MVB12A: variants seen among roughly 807,000 people sequenced by gnomAD.
The protein encoded by MVB12A is CIN85/CD2AP family binding protein.
In MVB12A, 30 loss-of-function variants were observed where a neutral mutation model predicts 34.3. The ratio of observed to expected loss-of-function variants is 0.88; its 90% confidence interval spans 0.65 to 1.19. MVB12A has a LOEUF of 1.19. Among genes scored for constraint, MVB12A ranks in the 50% most tolerant of loss-of-function variants. The pLI, the probability that MVB12A is intolerant of heterozygous loss-of-function variation, is 0.00. For synonymous variants in MVB12A, 158 were observed against 158.9 expected, an observed-to-expected ratio of 0.99 and a Z score of 0.04; for missense variants, 355 against 369.2, an observed-to-expected ratio of 0.96 and a Z score of 0.31.
chr19:17,410,506 A>ATG (rs1568387337), intron 2 of MVB12A, among the ~76,000 whole-genome samples: 27 of 42,070 alleles, frequency 6.4e-4, no homozygotes, highest in African/African-American at 1.8e-3. Flanking sequence ...TCATATATAT[A>ATG]TATATATATA....
At chr19:17,411,768 T>C (rs1463252875) in intron 2 of MVB12A, among the ~76,000 whole-genome samples, 1 of 151,770 alleles carries the variant, frequency 6.6e-6, no homozygotes, top group Non-Finnish European at 1.5e-5. Context: ...GGTGCTGGGA[T>C]TATAGGTGTG....
rs1054717870 is a variant in MVB12A, at chr19:17,409,346, G to A, written c.-5+3050G>A. On this transcript the variant is annotated intron_variant, in intron 2 of 6. Coordinates refer to the MVB12A transcript ENST00000528604. ...GGGTTTCGACATGTTGGCCAGGCTG[G>A]TCTCGAACTCCCGACCTCAAGGGAT... 3.3e-5 allele frequency among the ~76,000 whole-genome samples: 5 copies of A among 151,414 alleles called. No individual in the cohort carries two copies. The South Asian group carries it at 8.3e-4, about 25-fold the overall frequency.
chr19:17,407,398 G>A (rs768590950), intron 2 of MVB12A, among the ~76,000 whole-genome samples: 2 of 152,140 alleles, frequency 1.3e-5, no homozygotes, highest in African/African-American at 2.4e-5. Flanking sequence ...GGCCCCGAAT[G>A]TCTGGCTGTG....
intron 2 of MVB12A, chr19:17,414,250 C>G (rs2074785837): frequency 6.6e-6 from 1 of 151,298 alleles, no homozygotes; most frequent in Non-Finnish European, 1.5e-5. Flanking sequence ...CATTGCACTC[C>G]AGCGTGGGCT....
rs2074858822 is a variant in MVB12A at position 17,424,645 on chromosome 19, A to C, written c.727A>C (p.Thr243Pro). The C allele has an allele frequency of 6.2e-7, 1 of 1,612,780 alleles. No homozygotes were observed. Among genetic ancestry groups the C allele is most frequent in the Non-Finnish European group, 8.5e-7 (1 of 1,179,524 alleles). The change falls in exon 8 of 9, where the codon ACC (threonine) becomes CCC (proline). Residue 243 changes from threonine to proline, a missense_variant. Physicochemically the swap from Thr to Pro is conservative, Grantham distance 38. Coordinates refer to ENST00000317040, the MANE Select transcript of MVB12A (RefSeq NM_138401.4). Reference protein sequence around the residue: ...PLAFSAFGDLTIKSLADIEEE... With the variant: ...PLAFSAFGDLPIKSLADIEEE... ...GGCCTTCTCTGCTTTTGGGGACCTG[A>C]CCATCAAGTCTCTGGCGGACATTGA...
At chr19:17,411,761 G>T (rs2074770701) in intron 2 of MVB12A, among the ~76,000 whole-genome samples, 1 of 151,876 alleles carries the variant, frequency 6.6e-6, no homozygotes, top group Non-Finnish European at 1.5e-5. Context: ...CTCCCAAGGT[G>T]CTGGGATTAT....
At chr19:17,410,551 C>T (rs11668297) in intron 2 of MVB12A, among the ~76,000 whole-genome samples, 6 of 120,756 alleles carry the variant, frequency 5.0e-5, no homozygotes, top group African/African-American at 1.5e-4. Flanking sequence ...TATATATATA[C>T]ACACACATAT....
At chr19:17,411,912 A>G (rs1462706063) in intron 2 of MVB12A, among the ~76,000 whole-genome samples, 5 of 152,220 alleles carry the variant, frequency 3.3e-5, no homozygotes, top group South Asian at 4.1e-4. Flanking sequence ...GTGGCCCCGG[A>G]TGGGCTTCTG....
At chr19:17,409,970 GCTGGTCTCGAACTC>G (rs777502716) in intron 2 of MVB12A, among the ~76,000 whole-genome samples, 23 of 151,306 alleles carry the variant, frequency 1.5e-4, no homozygotes, top group Non-Finnish European at 3.2e-4. Context: ...TGTTACCCAG[GCTGGTCTCGAACTC>G]CTGACCTCAT....
rs533411306 is a variant in MVB12A, at chr19:17,411,827, G to A, written c.-5+5531G>A. 1.4e-4 allele frequency among the ~76,000 whole-genome samples: 21 copies of A among 152,168 alleles called. No individual in the cohort carries two copies. The South Asian group carries it at 4.1e-3, about 30-fold the overall frequency. ...AAAAAAATAGGAGCAAAGATCATCC[G>A]CAACCATCCCTCAGCTGTTTCATTT... On this transcript the variant is annotated intron_variant, in intron 2 of 6. Transcript: ENST00000528604.
chr19:17,408,387 AAT>A (rs958111214), intron 2 of MVB12A, among the ~76,000 whole-genome samples: 9 of 149,284 alleles, frequency 6.0e-5, no homozygotes, highest in East Asian at 1.9e-4. Context: ...TTTAAAAATA[AAT>A]ATATATATAT....
intron 8 of MVB12A, 54 bp downstream of exon 8, chr19:17,424,731 A>C: frequency 1.9e-6 from 3 of 1,549,732 alleles, no homozygotes; most frequent in Non-Finnish European, 2.6e-6. Flanking sequence ...GAGGTGCCTG[A>C]GGGGCCGGCA....
chr19:17,425,063 CTG>C lies in MVB12A; in HGVS notation c.*71_*72del, dbSNP rs2074863205. The C allele has an allele frequency of 7.2e-6, 4 of 553,084 alleles. No homozygotes were observed. The highest frequency in any genetic ancestry group is 7.4e-5 in the Admixed American group (2 of 26,862). The allele number at this position is 553,084 out of a possible 1,614,324, so 34.3% of individuals were successfully genotyped here. On this transcript the variant is annotated 3_prime_UTR_variant, in exon 9 of 9. Coordinates refer to ENST00000317040, the MANE Select transcript of MVB12A (RefSeq NM_138401.4). ...GCCAGCCTGGGGCCACCCCCCCTCA[CTG>C]CATCCTGGGGCCACCCCCACTCACT... is the stretch of plus-strand genomic sequence containing the variant.
rs560164872 is a variant in MVB12A at position 17,425,058 on chromosome 19, C to G, written c.*65C>G. 1.6e-5 allele frequency: 13 copies of G among 808,278 alleles called. No individual in the cohort carries two copies. The highest frequency in any genetic ancestry group is 2.2e-5 in the Admixed American group (1 of 44,658). The allele number at this position is 808,278 out of a possible 1,614,324, so 50.1% of individuals were successfully genotyped here. A position where few individuals can be genotyped will look rare whatever the true frequency, so the allele number is the denominator to read the frequency against. Reference sequence around the variant, plus strand: ...TCCCCGCCAGCCTGGGGCCACCCCCCCTCACTGCATCCTGGGGCCACCCCC... The same window carrying G: ...TCCCCGCCAGCCTGGGGCCACCCCCGCTCACTGCATCCTGGGGCCACCCCC... On this transcript the variant is annotated 3_prime_UTR_variant, in exon 9 of 9. Coordinates refer to ENST00000317040, the MANE Select transcript of MVB12A (RefSeq NM_138401.4).
chr19:17,410,529 TACACACAC>T (rs1185077317), intron 2 of MVB12A, among the ~76,000 whole-genome samples: 53 of 74,222 alleles, frequency 7.1e-4, no homozygotes, highest in East Asian at 2.3e-3. Flanking sequence ...TATATATATA[TACACACAC>T]ACATATATAT....
At chr19:17,414,145 G>A (rs888675573) in intron 2 of MVB12A, 3 of 152,296 alleles carry the variant, frequency 2.0e-5, no homozygotes, top group Non-Finnish European at 4.4e-5. Flanking sequence ...GATGGGCTTG[G>A]TGGTGGGCAC....
At chr19:17,407,568 A>G (rs1435009400) in intron 2 of MVB12A, among the ~76,000 whole-genome samples, 1 of 152,198 alleles carries the variant, frequency 6.6e-6, no homozygotes, top group African/African-American at 2.4e-5. Context: ...ACAGAAAGAC[A>G]GCTTATGCCA....
intron 2 of MVB12A, among the ~76,000 whole-genome samples, chr19:17,407,859 G>C (rs991536164): frequency 6.6e-6 from 1 of 152,210 alleles, no homozygotes; most frequent in Admixed American, 6.5e-5. Flanking sequence ...GTTGTTCCTT[G>C]ACACTTTTCG....
At chr19:17,417,900 CCT>C (rs2074811328), upstream of MVB12A, 13 of 236,578 alleles carry the variant, frequency 5.5e-5, no homozygotes, top group South Asian at 1.4e-4. Context: ...TCTTCTTCTT[CCT>C]TTTTTTTTTT....
Sources: gnomAD v4.1 joint callset for allele counts (sites outside exome capture counted in the v4.1 genomes callset) on GRCh38, gnomAD v4.1.1 for gene constraint, MANE v1.5 for transcripts, NCBI Gene and HGNC (gene_info 2026-07-23, HGNC 2026-07-21) for gene names.